TENM3: variants seen among roughly 807,000 people sequenced by gnomAD.
TENM3 encodes the protein teneurin transmembrane protein 3.
In TENM3, 63 loss-of-function variants were observed where a neutral mutation model predicts 255.1. The observed-to-expected ratio is 0.25, with a 90% CI of 0.20 to 0.30. The LOEUF (loss-of-function observed/expected upper bound fraction) is 0.30, where lower values mean the gene tolerates loss of function less well. Among genes scored for constraint, TENM3 ranks in the 10% least tolerant of loss-of-function variants. The pLI is 1.00. For missense variants in TENM3, 2,929 were observed against 3,461.1 expected (o/e 0.85, Z 3.86); for synonymous variants, 1,306 against 1,322.3 (o/e 0.99, Z 0.27).
intron 3 of TENM3, among the ~76,000 whole-genome samples, chr4:182,468,379 T>C (rs1580657613): frequency 6.6e-6 from 1 of 152,190 alleles, no homozygotes; most frequent in Non-Finnish European, 1.5e-5. Flanking sequence ...GTATATATGC[T>C]GTGCTGGATG....
chr4:182,561,712 T>C (rs1340878883), intron 3 of TENM3, among the ~76,000 whole-genome samples: 2 of 152,064 alleles, frequency 1.3e-5, no homozygotes, highest in African/African-American at 2.4e-5. Flanking sequence ...TTCTATAGAA[T>C]AGTTATGTAA....
intron 1 of TENM3, among the ~76,000 whole-genome samples, chr4:182,297,254 C>G (rs1580067194): frequency 6.6e-6 from 1 of 152,130 alleles, no homozygotes; most frequent in Non-Finnish European, 1.5e-5. Context: ...TCTGATTATT[C>G]CAGGATTCAC....
the TENM3 span, among the ~76,000 whole-genome samples, chr4:181,765,044 T>C: frequency 6.6e-6 from 1 of 152,186 alleles, no homozygotes; most frequent in Non-Finnish European, 1.5e-5. Context: ...CTAAGAATGA[T>C]TTTTCAATTT....
the TENM3 span, among the ~76,000 whole-genome samples, chr4:181,800,823 A>G: frequency 3.0e-4 from 45 of 152,290 alleles, no homozygotes; most frequent in African/African-American, 1.1e-3. Flanking sequence ...CCTAGGCTAG[A>G]ACAGGTACTT....
At chr4:182,626,873 A>G (rs1013050183) in intron 4 of TENM3, among the ~76,000 whole-genome samples, 1 of 152,148 alleles carries the variant, frequency 6.6e-6, no homozygotes, top group Admixed American at 6.5e-5. Context: ...TAAAAGCTCT[A>G]GTTTTGCAAC....
chr4:181,994,313 C>T, the TENM3 span, among the ~76,000 whole-genome samples: 7 of 152,068 alleles, frequency 4.6e-5, no homozygotes, highest in Non-Finnish European at 7.4e-5. Flanking sequence ...AAAATCAAAT[C>T]ATTCAGATGC....
At chr4:181,711,974 T>C in the TENM3 span, among the ~76,000 whole-genome samples, 1 of 152,214 alleles carries the variant, frequency 6.6e-6, no homozygotes, top group Admixed American at 6.5e-5. Flanking sequence ...ATCCCCGTTA[T>C]TTTTGTTTTG....
the TENM3 span, among the ~76,000 whole-genome samples, chr4:182,118,818 A>G: frequency 1.3e-5 from 2 of 152,296 alleles, no homozygotes; most frequent in South Asian, 2.1e-4. Flanking sequence ...TGGCCGTGGT[A>G]TATAATACTT....
Position 182,792,288 on chromosome 4 carries a change from G to C in TENM3, c.5616G>C (p.Leu1872=). The C allele has an allele frequency of 6.2e-7, 1 of 1,613,572 alleles. No homozygotes were observed. The highest frequency in any genetic ancestry group is 2.2e-5 in the East Asian group (1 of 44,870). The change falls in exon 26 of 28, where the codon CTG becomes CTC. Residue 1872 remains leucine, a synonymous_variant. Transcript: ENST00000511685. This position sits in a 1 kb window ranked among gnomAD's most constrained non-coding sequence, Gnocchi z 6.3. ...TCTCTTTACAGTCCATGGTTCTTCT[G>C]CTTCATAGCCAGCGGCAGTACATCT... is the stretch of plus-strand genomic sequence containing the variant. The part of the protein sequence containing the change: ...YTYLEKSMVL[L]LHSQRQYIFE...
chr4:182,363,963 G>A (rs962960340), intron 3 of TENM3, among the ~76,000 whole-genome samples: 2 of 152,036 alleles, frequency 1.3e-5, no homozygotes, highest in African/African-American at 4.8e-5. Flanking sequence ...ATATTTTCTT[G>A]TAATGGACTG....
the TENM3 span, among the ~76,000 whole-genome samples, chr4:181,542,865 T>G: frequency 6.6e-6 from 1 of 152,148 alleles, no homozygotes; most frequent in Non-Finnish European, 1.5e-5. Context: ...TTGTCCGTGA[T>G]CCAAAAAAAC....
the TENM3 span, among the ~76,000 whole-genome samples, chr4:181,581,441 AAAAAC>A: frequency 4.6e-3 from 703 of 152,126 alleles, 3 homozygotes; most frequent in African/African-American, 0.015. Context: ...ACTCCATCTC[AAAAAC>A]AAAACAAAAC....
the TENM3 span, among the ~76,000 whole-genome samples, chr4:181,493,193 G>A: frequency 6.6e-6 from 1 of 151,526 alleles, no homozygotes; most frequent in Non-Finnish European, 1.5e-5. Context: ...TATTTTGGGA[G>A]GCTAAGGCAG....
At chr4:181,540,144 G>A in the TENM3 span, among the ~76,000 whole-genome samples, 28 of 152,126 alleles carry the variant, frequency 1.8e-4, no homozygotes, top group Non-Finnish European at 5.9e-5. Context: ...CAGACGCCAT[G>A]ATGAGAAGAC....
the TENM3 span, among the ~76,000 whole-genome samples, chr4:181,604,556 G>A: frequency 6.6e-5 from 10 of 152,112 alleles, no homozygotes; most frequent in African/African-American, 9.7e-5. Context: ...GGCCACTGGA[G>A]CCCACCTCCA....
At chr4:182,401,797 A>G in intron 3 of TENM3, among the ~76,000 whole-genome samples, 1 of 152,342 alleles carries the variant, frequency 6.6e-6, no homozygotes, top group African/African-American at 2.4e-5. Context: ...TTTTAAAGAC[A>G]TTCATTTAAC....
chr4:181,997,999 G>A, the TENM3 span, among the ~76,000 whole-genome samples: 30,913 of 152,122 alleles, frequency 0.2, 3,284 homozygotes, highest in Admixed American at 0.25. Flanking sequence ...GATTCTTATA[G>A]TTAAAGGAAT....
chr4:182,516,457 T>C (rs1737955878), intron 3 of TENM3, among the ~76,000 whole-genome samples: 1 of 152,250 alleles, frequency 6.6e-6, no homozygotes, highest in African/African-American at 2.4e-5. Flanking sequence ...ATGGTACTTT[T>C]ATAATGCCTT....
At chr4:182,173,306 G>A (rs533736894) in intron 1 of TENM3, among the ~76,000 whole-genome samples, 1 of 152,296 alleles carries the variant, frequency 6.6e-6, no homozygotes, top group East Asian at 1.9e-4. Flanking sequence ...ACAATGCAAT[G>A]TCAGAGTGAA....
Sources: gnomAD v4.1 joint callset for allele counts (sites outside exome capture counted in the v4.1 genomes callset) on GRCh38, gnomAD v4.1.1 for gene constraint, Gnocchi (gnomAD v3.1) non-coding constraint, MANE v1.5 for transcripts, NCBI Gene and HGNC (gene_info 2026-07-23, HGNC 2026-07-21) for gene names.